Variants in FHIT observed in about 807,000 individuals in gnomAD.
FHIT encodes fragile histidine triad diadenosine triphosphatase.
In FHIT, 19 loss-of-function variants were observed where a neutral mutation model predicts 17.9. The observed-to-expected ratio is 1.06, with a 90% CI of 0.74 to 1.56. The LOEUF is 1.56. Ranked by LOEUF, FHIT falls within the 40% of genes most tolerant of loss-of-function variation. The pLI, the probability that FHIT is intolerant of heterozygous loss-of-function variation, is 0.00. For missense variants in FHIT, 248 were observed against 189.2 expected (o/e 1.31, Z -1.82); for synonymous variants, 81 against 69.7 (o/e 1.16, Z -0.81).
At chr3:60,440,521 T>C (rs1180736187) in intron 5 of FHIT, among the ~76,000 whole-genome samples, 1 of 152,104 alleles carries the variant, frequency 6.6e-6, no homozygotes, top group Admixed American at 6.6e-5. Flanking sequence ...ACCTGCACTA[T>C]CATTTAATTC....
At chr3:60,590,018 G>C (rs896133151) in intron 4 of FHIT, among the ~76,000 whole-genome samples, 3 of 152,040 alleles carry the variant, frequency 2.0e-5, no homozygotes, top group Non-Finnish European at 2.9e-5. Context: ...GCCTCCAAGA[G>C]AGGACACATC....
chr3:59,770,591 C>G (rs545303866), intron 8 of FHIT, among the ~76,000 whole-genome samples: 5 of 152,332 alleles, frequency 3.3e-5, no homozygotes, highest in African/African-American at 1.2e-4. Flanking sequence ...GGAGGAACAG[C>G]TCTGCTGACA....
At chr3:60,165,397 A>G (rs1017170073) in intron 5 of FHIT, among the ~76,000 whole-genome samples, 13 of 152,204 alleles carry the variant, frequency 8.5e-5, no homozygotes, top group Non-Finnish European at 2.9e-5. Context: ...TTTAGGAATT[A>G]AAGAATGGAA....
chr3:60,764,107 C>T lies in FHIT; in HGVS notation c.-18+57812G>A, dbSNP rs146010185. On this transcript the variant is annotated intron_variant, in intron 4 of 9. Coordinates refer to ENST00000492590, the MANE Select transcript of FHIT (RefSeq NM_002012.4). ...GTACGACGGGGATTGGAAAGCCTAA[C>T]GCCTGACATCCAGCGTGGTATGTTT... 3.2e-3 allele frequency among the ~76,000 whole-genome samples: 492 copies of T among 152,216 alleles called. 5 individuals carry two copies. The highest frequency in any genetic ancestry group is 4.7e-3 in the Non-Finnish European group (323 of 68,018).
intron 8 of FHIT, among the ~76,000 whole-genome samples, chr3:59,903,106 A>T (rs1254293521): frequency 6.6e-6 from 1 of 152,214 alleles, no homozygotes; most frequent in African/African-American, 2.4e-5. Flanking sequence ...AAGCTGTAAA[A>T]AAAGAAATGA....
At chr3:61,142,935 G>T (rs2037126919) in intron 2 of FHIT, among the ~76,000 whole-genome samples, 1 of 152,114 alleles carries the variant, frequency 6.6e-6, no homozygotes, top group African/African-American at 2.4e-5. Context: ...TCTTAGTGAA[G>T]ATCGTTAATA....
chr3:60,881,380 G>A (rs987667705), intron 3 of FHIT, among the ~76,000 whole-genome samples: 1 of 152,156 alleles, frequency 6.6e-6, no homozygotes, highest in Non-Finnish European at 1.5e-5. Flanking sequence ...AGGCCATCTA[G>A]AAAGAAAATC....
At chr3:60,006,909 T>C (rs1699947616) in intron 7 of FHIT, among the ~76,000 whole-genome samples, 1 of 152,210 alleles carries the variant, frequency 6.6e-6, no homozygotes, top group Non-Finnish European at 1.5e-5. Context: ...TTTTATCTCA[T>C]TTAATTTTTG....
chr3:61,024,673 T>C (rs1328805329), intron 3 of FHIT, among the ~76,000 whole-genome samples: 3 of 152,184 alleles, frequency 2.0e-5, no homozygotes, highest in African/African-American at 7.2e-5. Flanking sequence ...ATAAATACTG[T>C]AACAAAACTG....
rs10662932 is a variant in FHIT, at chr3:60,849,441, A to AATATATATATATATATATAT, written c.-110-27450_-110-27431dup. ...AGGACTTTTGTTAATACAAAAATGA[A>AATATATATATATATATATAT]ATATATATATATATATATATATAAA... On this transcript the variant is annotated intron_variant, in intron 3 of 9. Coordinates refer to ENST00000492590, the MANE Select transcript of FHIT (RefSeq NM_002012.4). 2.2e-3 allele frequency among the ~76,000 whole-genome samples: 304 copies of AATATATATATATATATATAT among 137,592 alleles called. 2 individuals carry two copies. The highest frequency in any genetic ancestry group is 6.5e-3 in the South Asian group (27 of 4,152). 90.3% of individuals were successfully genotyped at this position (137,592 alleles called of 152,430 possible). A position where few individuals can be genotyped will look rare whatever the true frequency, so the allele number is the denominator to read the frequency against.
chr3:59,862,084 T>C (rs367744838), intron 8 of FHIT, among the ~76,000 whole-genome samples: 4 of 151,968 alleles, frequency 2.6e-5, no homozygotes, highest in East Asian at 3.9e-4. Flanking sequence ...ACTGTACTAG[T>C]TCATTTTTAC....
intron 4 of FHIT, among the ~76,000 whole-genome samples, chr3:60,609,469 G>A (rs2038715989): frequency 6.6e-6 from 1 of 152,008 alleles, no homozygotes; most frequent in South Asian, 2.1e-4. Flanking sequence ...GGGATTACAG[G>A]TGTGTGCCAC....
chr3:60,814,227 CA>C (rs1159520092), intron 4 of FHIT, among the ~76,000 whole-genome samples: 3 of 152,014 alleles, frequency 2.0e-5, no homozygotes, highest in African/African-American at 7.2e-5. Context: ...ATTTTAGATT[CA>C]GGGGGTATAT....
chr3:61,058,944 C>T (rs1422305183), intron 2 of FHIT, among the ~76,000 whole-genome samples: 3 of 152,126 alleles, frequency 2.0e-5, no homozygotes, highest in Non-Finnish European at 2.9e-5. Flanking sequence ...CTAGAATCTA[C>T]CTTCTTAATC....
At chr3:61,228,754 G>A (rs2106861809) in intron 1 of FHIT, among the ~76,000 whole-genome samples, 1 of 152,296 alleles carries the variant, frequency 6.6e-6, no homozygotes, top group Middle Eastern at 3.4e-3. Flanking sequence ...AACTAGAATG[G>A]TGAGAGGTTC....
At chr3:60,961,884 T>G (rs1315723416) in intron 3 of FHIT, among the ~76,000 whole-genome samples, 4 of 152,224 alleles carry the variant, frequency 2.6e-5, no homozygotes, top group African/African-American at 9.6e-5. Context: ...CTTTGTTCTT[T>G]TGGCTTAGGA....
At chr3:60,770,063 T>G (rs539816607) in intron 4 of FHIT, among the ~76,000 whole-genome samples, 1 of 152,262 alleles carries the variant, frequency 6.6e-6, no homozygotes, top group South Asian at 2.1e-4. Flanking sequence ...ATGGAGGCCA[T>G]GAAGAGAATA....
intron 5 of FHIT, among the ~76,000 whole-genome samples, chr3:60,029,511 A>G (rs544275412): frequency 6.6e-6 from 1 of 152,306 alleles, no homozygotes; most frequent in Admixed American, 6.5e-5. Context: ...CTCTCTCCAG[A>G]AAGAGCAGAC....
chr3:60,241,160 G>A (rs905609055), intron 5 of FHIT, among the ~76,000 whole-genome samples: 12 of 152,172 alleles, frequency 7.9e-5, no homozygotes, highest in African/African-American at 2.9e-4. Context: ...ATTCCTCTGT[G>A]GATTCCATTT....
Sources: allele counts gnomAD v4.1 joint callset (sites outside exome capture counted in the v4.1 genomes callset), GRCh38; gene constraint gnomAD v4.1.1; transcripts MANE v1.5; gene names NCBI Gene and HGNC (gene_info 2026-07-23, HGNC 2026-07-21).